The following NDST4 variants were observed in gnomAD, a reference collection of about 807,000 sequenced individuals.
The protein encoded by NDST4 is N-deacetylase and N-sulfotransferase 4.
NDST4 carries 63 observed loss-of-function variants against 100.8 expected under a neutral mutation model. The ratio of observed to expected loss-of-function variants is 0.62; its 90% CI spans 0.51 to 0.77. The LOEUF is 0.77. Among genes scored for constraint, NDST4 ranks in the 30% least tolerant of loss-of-function variants. The pLI is 0.00. For missense variants in NDST4, 943 were observed against 1,018.4 expected, an observed-to-expected ratio of 0.93 and a Z score of 1.01; for synonymous variants, 377 against 361.8, an observed-to-expected ratio of 1.04 and a Z score of -0.48.
At position 114,841,171 on chromosome 4, in the gene NDST4, C is replaced by A. The variant is rs1043370850; in HGVS notation, c.2116-1623G>T. Among the ~76,000 whole-genome samples the A allele has an allele frequency of 2.0e-5, 3 of 152,178 alleles. No homozygotes were observed. In the East Asian group the frequency reaches 5.8e-4, roughly 29 times the overall value. The stretch of plus-strand genomic sequence containing the variant: ...GCACCAACTTTTCTTTATATTCCTG[C>A]AACTAAGTAGATTAGCATAAAAATA... On this transcript the variant is annotated intron_variant, in intron 10 of 13. Coordinates refer to ENST00000264363, the MANE Select transcript of NDST4 (RefSeq NM_022569.3).
At chr4:115,024,089 C>T (rs1727925794) in intron 2 of NDST4, among the ~76,000 whole-genome samples, 1 of 152,118 alleles carries the variant, frequency 6.6e-6, no homozygotes. Flanking sequence ...TGATCTTCAC[C>T]TCCATCACTA....
intron 2 of NDST4, among the ~76,000 whole-genome samples, chr4:115,007,181 C>T (rs529362179): frequency 6.6e-6 from 1 of 152,150 alleles, no homozygotes; most frequent in Non-Finnish European, 1.5e-5. Flanking sequence ...TAATTTAACT[C>T]TCACTACCAT....
At chr4:114,844,678 G>A (rs945228057) in intron 10 of NDST4, among the ~76,000 whole-genome samples, 12 of 152,116 alleles carry the variant, frequency 7.9e-5, no homozygotes, top group Admixed American at 2.6e-4. Flanking sequence ...CTACACATTA[G>A]ACAAACAACT....
chr4:114,901,245 T>C (rs1470761239), intron 6 of NDST4, among the ~76,000 whole-genome samples: 4 of 152,062 alleles, frequency 2.6e-5, no homozygotes, highest in Non-Finnish European at 4.4e-5. Flanking sequence ...TAGTTGGGTG[T>C]TAAATTTTCA....
At chr4:114,845,556 C>G (rs1175171457) in intron 10 of NDST4, among the ~76,000 whole-genome samples, 1 of 152,262 alleles carries the variant, frequency 6.6e-6, no homozygotes, top group South Asian at 2.1e-4. Context: ...AATCAACATT[C>G]TACATGTTTA....
At chr4:115,097,456 T>C (rs556506913) in intron 1 of NDST4, among the ~76,000 whole-genome samples, 1 of 152,312 alleles carries the variant, frequency 6.6e-6, no homozygotes, top group South Asian at 2.1e-4. Flanking sequence ...GGGCTGGCCA[T>C]TGACTCCTCT....
At chr4:114,997,088 T>G (rs1727181714) in intron 2 of NDST4, among the ~76,000 whole-genome samples, 1 of 152,080 alleles carries the variant, frequency 6.6e-6, no homozygotes, top group Non-Finnish European at 1.5e-5. Context: ...TTCCTCCTAT[T>G]TTCCGCTTAT....
chr4:115,042,743 G>T lies in NDST4; in HGVS notation c.978+33316C>A, dbSNP rs535853051. On this transcript the variant is annotated intron_variant, in intron 2 of 13. Transcript: ENST00000264363. ...AGACTACTGCACTCATTATATACTA[G>T]GCATCTTAACAACTGGCAGATCTGC... Among the ~76,000 whole-genome samples, 8 of 152,098 alleles carry T rather than the reference G, an allele frequency of 5.3e-5. No homozygotes were observed. The South Asian group carries it at 6.2e-4, about 12-fold the overall frequency.
In NDST4 at chr4:114,858,924, T is replaced by A. The variant is rs547823141; in HGVS notation, c.1720-6103A>T. On this transcript the variant is annotated intron_variant, in intron 7 of 13. Coordinates refer to ENST00000264363, the MANE Select transcript of NDST4 (RefSeq NM_022569.3). ...TGGCAGACATGGAAATGAGTTACCA[T>A]CCTGGTAGGGGTAATTGACCCACAT... Among the ~76,000 whole-genome samples the A allele has an allele frequency of 2.3e-4, 35 of 152,294 alleles. No homozygotes were observed. In the South Asian group the frequency reaches 7.2e-3, roughly 32 times the overall value.
intron 2 of NDST4, among the ~76,000 whole-genome samples, chr4:115,002,909 T>C (rs1578444634): frequency 6.6e-6 from 1 of 152,232 alleles, no homozygotes; most frequent in South Asian, 2.1e-4. Flanking sequence ...TAAAAAAGAA[T>C]GAGTTTACAT....
rs112603719 is a variant in NDST4, at chr4:115,084,862, T to C, written c.-246-7580A>G. ...CTTCTAGGACAGTGTGGAAGGGAAA[T>C]GTGGGGTTGTAGCCACCCCCCCCAC... On this transcript the variant is annotated intron_variant, in intron 1 of 13. Coordinates refer to ENST00000264363, the MANE Select transcript of NDST4 (RefSeq NM_022569.3). 7.3e-3 allele frequency among the ~76,000 whole-genome samples: 706 copies of C among 97,176 alleles called. 7 individuals carry two copies. Among genetic ancestry groups the C allele is most frequent in the African/African-American group, 0.036 (640 of 17,930 alleles). The allele number at this position is 97,176 out of a possible 152,430, so 63.8% of individuals were successfully genotyped here.
At chr4:114,923,896 T>G (rs994572743) in intron 6 of NDST4, among the ~76,000 whole-genome samples, 1 of 151,692 alleles carries the variant, frequency 6.6e-6, no homozygotes, top group Non-Finnish European at 1.5e-5. Context: ...ACTCCTCTAA[T>G]AAAATATTGC....
intron 3 of NDST4, among the ~76,000 whole-genome samples, chr4:114,975,438 G>A (rs1726611243): frequency 6.6e-6 from 1 of 152,034 alleles, no homozygotes; most frequent in East Asian, 1.9e-4. Context: ...AATAATGCCT[G>A]CTTAAAAGAT....
At chr4:115,089,889 T>C (rs1453560775) in intron 1 of NDST4, among the ~76,000 whole-genome samples, 2 of 151,924 alleles carry the variant, frequency 1.3e-5, no homozygotes, top group Admixed American at 6.6e-5. Context: ...ACAGGATATG[T>C]AGGTCTGGAG....
At chr4:115,055,759 A>T (rs1321974492) in intron 2 of NDST4, among the ~76,000 whole-genome samples, 2 of 152,138 alleles carry the variant, frequency 1.3e-5, no homozygotes, top group Non-Finnish European at 2.9e-5. Flanking sequence ...TGATAGATAA[A>T]GGGTAAGCTG....
intron 2 of NDST4, among the ~76,000 whole-genome samples, chr4:114,996,423 G>C (rs1034400004): frequency 2.0e-5 from 3 of 151,960 alleles, no homozygotes; most frequent in Non-Finnish European, 2.9e-5. Flanking sequence ...TTATAGCAAC[G>C]TAAGAAAGAA....
chr4:115,017,325 A>G (rs1177221731), intron 2 of NDST4, among the ~76,000 whole-genome samples: 1 of 152,110 alleles, frequency 6.6e-6, no homozygotes, highest in Non-Finnish European at 1.5e-5. Flanking sequence ...CACAGAATTC[A>G]AATACATTTC....
At chr4:115,027,435 A>G (rs1271997527) in intron 2 of NDST4, among the ~76,000 whole-genome samples, 1 of 152,126 alleles carries the variant, frequency 6.6e-6, no homozygotes, top group Non-Finnish European at 1.5e-5. Context: ...ATCTCTTTGA[A>G]GTTCAGTCAC....
At chr4:115,012,073 G>A in intron 2 of NDST4, among the ~76,000 whole-genome samples, 1 of 151,696 alleles carries the variant, frequency 6.6e-6, no homozygotes, top group Non-Finnish European at 1.5e-5. Flanking sequence ...GAGTACTAGG[G>A]TCTTAGAGCT....
Sources: gnomAD v4.1 joint callset for allele counts (sites outside exome capture counted in the v4.1 genomes callset) on GRCh38, gnomAD v4.1.1 for gene constraint, MANE v1.5 for transcripts, NCBI Gene and HGNC (gene_info 2026-07-23, HGNC 2026-07-21) for gene names.